The following KCNE3 variants were observed in gnomAD, a reference collection of about 807,000 sequenced individuals.
KCNE3 encodes the protein potassium voltage-gated channel subfamily E regulatory subunit 3.
KCNE3 carries 2 observed loss-of-function variants against 4.3 expected under a neutral mutation model. The observed-to-expected ratio is 0.47, with a 90% CI of 0.19 to 1.48. The LOEUF (loss-of-function observed/expected upper bound fraction) is 1.48, where lower values mean the gene tolerates loss of function less well. Among genes scored for constraint, KCNE3 ranks in the 40% most tolerant of loss-of-function variants. The pLI is 0.25. For synonymous variants in KCNE3, 47 were observed against 52.0 expected, an observed-to-expected ratio of 0.90 and a Z score of 0.41; for missense variants, 128 against 136.8, an observed-to-expected ratio of 0.94 and a Z score of 0.32.
At chr11:74,464,495 AG>A (rs1169284171) in intron 1 of KCNE3, among the ~76,000 whole-genome samples, 1 of 152,178 alleles carries the variant, frequency 6.6e-6, no homozygotes, top group Non-Finnish European at 1.5e-5. Flanking sequence ...AGTAGCCCTT[AG>A]CATCCAGTTG....
At position 74,456,661 on chromosome 11, in the gene KCNE3, C is replaced by G. The variant is rs1863823674; in HGVS notation, c.*591G>C. ...CCCCAGAATTGTATGACCTTCAGGC[C>G]TGGATCCACTCCTGTGTAGCACAGA... On this transcript the variant is annotated 3_prime_UTR_variant, in exon 3 of 3. Transcript: ENST00000310128. 1 of 153,804 alleles carries G rather than the reference C, an allele frequency of 6.5e-6. No homozygotes were observed. Among genetic ancestry groups the G allele is most frequent in the Non-Finnish European group, 1.4e-5 (1 of 69,148 alleles). The allele number at this position is 153,804 out of a possible 1,614,324, so 9.5% of individuals were successfully genotyped here.
chr11:74,459,495 T>G (rs562750305), intron 2 of KCNE3, among the ~76,000 whole-genome samples: 1 of 151,934 alleles, frequency 6.6e-6, no homozygotes, highest in African/African-American at 2.4e-5. Context: ...ATCTCCTGAC[T>G]TTGTGATTCG....
chr11:74,457,352 G>C lies in KCNE3; in HGVS notation c.212C>G (p.Thr71Ser). 6.2e-7 allele frequency: 1 copy of C among 1,614,232 alleles called. No homozygotes were observed. The highest frequency in any genetic ancestry group is 8.5e-7 in the Non-Finnish European group (1 of 1,180,036). ...GTATCCCAGGATGAGGCTGCCCACA[G>C]TTACAGCAAATAGAAACATGACAAA... ...ILFVMFLFAVTVGSLILGYTR... is the reference protein window; with the variant it reads ...ILFVMFLFAVSVGSLILGYTR... Residue 71 changes from threonine to serine, a missense_variant, in exon 3 of 3, where the codon ACT becomes AGT. By Grantham distance (58) the Thr-to-Ser change is moderately conservative. Transcript: ENST00000310128.
chr11:74,465,263 C>T (rs1864037123), intron 1 of KCNE3, among the ~76,000 whole-genome samples: 1 of 152,152 alleles, frequency 6.6e-6, no homozygotes, highest in Non-Finnish European at 1.5e-5. Flanking sequence ...AATGCCTCTT[C>T]TCTAAGAGCA....
Position 74,457,720 on chromosome 11 carries a change from C to T in KCNE3, c.-40-117G>A. ...CATGGCTGATATGGTTTGGCTGTGTCCCCACCCAAATCTCATCTGGAATCA... is the reference window on the plus strand; with the variant it reads ...CATGGCTGATATGGTTTGGCTGTGTTCCCACCCAAATCTCATCTGGAATCA... On this transcript the variant is annotated intron_variant, in intron 2 of 2. Transcript: ENST00000310128. The T allele has an allele frequency of 4.2e-6, 3 of 718,198 alleles. No homozygotes were observed. The South Asian group carries it at 4.8e-5, about 11-fold the overall frequency. 44.5% of individuals were successfully genotyped at this position (718,198 alleles called of 1,614,324 possible).
Position 74,457,319 on chromosome 11 carries a change from G to C in KCNE3, c.245C>G (p.Ser82Cys), listed in dbSNP as rs1863841373. The change falls in exon 3 of 3, where the codon TCC becomes TGC. Residue 82 changes from serine (S) to cysteine (C), a missense_variant. Ser to Cys is a moderately radical substitution (Grantham distance 112). Coordinates refer to ENST00000310128, the MANE Select transcript of KCNE3 (RefSeq NM_005472.5). ...GTCACTACGCTTGTCCACTTTGCGG[G>C]AGCGGGTGTATCCCAGGATGAGGCT... ...VGSLILGYTR[S>C]RKVDKRSDPY... 1 of 1,614,094 alleles carries C rather than the reference G, an allele frequency of 6.2e-7. No homozygotes were observed.
In KCNE3 at chr11:74,456,401, C is replaced by T. The variant is rs187700411; in HGVS notation, c.*851G>A. ...CAGTCAAAACTGAAAAGACTGCTTG[C>T]TTTGGAGGTAGTTTAGTCCTGTTGC... On this transcript the variant is annotated 3_prime_UTR_variant, in exon 3 of 3. Transcript: ENST00000310128. 81 of 151,276 alleles carry T rather than the reference C, an allele frequency of 5.4e-4. No homozygotes were observed. Among genetic ancestry groups the T allele is most frequent in the African/African-American group, 1.9e-3 (78 of 41,218 alleles). 9.4% of individuals were successfully genotyped at this position (151,276 alleles called of 1,614,324 possible).
rs41312987 is a variant in KCNE3 at position 74,463,021 on chromosome 11, C to T, written c.-189-918G>A. Among the ~76,000 whole-genome samples the T allele has an allele frequency of 4.9e-3, 748 of 152,268 alleles. 10 individuals are homozygous for T. Among genetic ancestry groups the T allele is most frequent in the Non-Finnish European group, 6.9e-3 (467 of 68,014 alleles). On this transcript the variant is annotated intron_variant, in intron 1 of 2. Coordinates refer to ENST00000310128, the MANE Select transcript of KCNE3 (RefSeq NM_005472.5). Reference sequence around the variant, plus strand: ...GATAGAGAAGGCTGTGGACCTCTTCCTCACAGGTTAAGATGCTTCTGAGCC... The same window carrying T: ...GATAGAGAAGGCTGTGGACCTCTTCTTCACAGGTTAAGATGCTTCTGAGCC...
At chr11:74,459,259 A>ATTT (rs35194568) in intron 2 of KCNE3, among the ~76,000 whole-genome samples, 1,222 of 117,528 alleles carry the variant, frequency 0.01, 63 homozygotes, top group Non-Finnish European at 0.013. Context: ...TATAGAAAAC[A>ATTT]TTTTTTTTTT....
intron 2 of KCNE3, among the ~76,000 whole-genome samples, chr11:74,460,904 T>C (rs1413121556): frequency 1.3e-5 from 2 of 152,116 alleles, no homozygotes; most frequent in Non-Finnish European, 2.9e-5. Flanking sequence ...TGAAATAGTT[T>C]AGTGTAAGAT....
chr11:74,466,616 G>T (rs1318005691), intron 1 of KCNE3, among the ~76,000 whole-genome samples: 3 of 152,180 alleles, frequency 2.0e-5, no homozygotes, highest in African/African-American at 7.2e-5. Context: ...TTAGTGGAGA[G>T]GATTTTAGGA....
rs1219237301 is a variant in KCNE3, at chr11:74,467,138, A to C, written c.-190+260T>G. ...CTTGAGGGCTGGGAATAACGGCGCA[A>C]GTCCCCACGGTTTCCAGACGGGGCG... On this transcript the variant is annotated intron_variant, in intron 1 of 2. Transcript: ENST00000310128. This position sits in a 1 kb window ranked among gnomAD's most constrained non-coding sequence, Gnocchi z 4.4. Among the ~76,000 whole-genome samples the C allele has an allele frequency of 2.6e-5, 4 of 152,166 alleles. No individual in the cohort carries two copies. The highest frequency in any genetic ancestry group is 6.5e-5 in the Admixed American group (1 of 15,286).
chr11:74,464,018 T>C (rs997781491), intron 1 of KCNE3, among the ~76,000 whole-genome samples: 1 of 152,154 alleles, frequency 6.6e-6, no homozygotes, highest in African/African-American at 2.4e-5. Context: ...TAGACTTCGT[T>C]TATGCTCTCA....
chr11:74,455,718 T>C lies in KCNE3; in HGVS notation c.*1534A>G, dbSNP rs1211972460. The stretch of plus-strand genomic sequence containing the variant: ...TAATAATTTAGGTGCGATATCAGTC[T>C]TTTTTGTTTTTGTTTTTGTTTTTTT... On this transcript the variant is annotated 3_prime_UTR_variant, in exon 3 of 3. Transcript: ENST00000310128. 1 of 138,970 alleles carries C rather than the reference T, an allele frequency of 7.2e-6. No homozygotes were observed. The highest frequency in any genetic ancestry group is 1.5e-5 in the Non-Finnish European group (1 of 66,862). The allele number at this position is 138,970 out of a possible 1,614,324, so 8.6% of individuals were successfully genotyped here.
rs73498356 is a variant in KCNE3 at position 74,459,947 on chromosome 11, C to T, written c.-41+2008G>A. On this transcript the variant is annotated intron_variant, in intron 2 of 2. Coordinates refer to ENST00000310128, the MANE Select transcript of KCNE3 (RefSeq NM_005472.5). ...CTCAATAGTTTCTAGTAGAGATGTT[C>T]ACTTTAAGGAATTCTCTATGGGCCA... is the stretch of plus-strand genomic sequence containing the variant. 4.0e-3 allele frequency among the ~76,000 whole-genome samples: 615 copies of T among 152,254 alleles called. 5 individuals are homozygous for T. The highest frequency in any genetic ancestry group is 0.014 in the African/African-American group (569 of 41,532).
rs1249200477 is a variant in KCNE3, at chr11:74,460,913, AT to A, written c.-41+1041del. ...GAGTCTTGAAATAGTTTAGTGTAAG[AT>A]GCTGAGTCATGAATTGGGGCAGAGA... On this transcript the variant is annotated intron_variant, in intron 2 of 2. Coordinates refer to ENST00000310128, the MANE Select transcript of KCNE3 (RefSeq NM_005472.5). 2.0e-5 allele frequency among the ~76,000 whole-genome samples: 3 copies of A among 152,300 alleles called. No individual in the cohort carries two copies. The East Asian group carries it at 5.8e-4, about 29-fold the overall frequency.
At position 74,467,033 on chromosome 11, in the gene KCNE3, T is replaced by C. The variant is rs1864071925; in HGVS notation, c.-190+365A>G. On this transcript the variant is annotated intron_variant, in intron 1 of 2. Coordinates refer to ENST00000310128, the MANE Select transcript of KCNE3 (RefSeq NM_005472.5). The surrounding 1 kb of genome is among the most constrained non-coding windows in gnomAD (Gnocchi z 4.4). ...GACTGTGCTGGGTCCTGAAATGTCG[T>C]TTCTGCGTGTGCACTGGCTGCCAGC... Among the ~76,000 whole-genome samples the C allele has an allele frequency of 6.6e-6, 1 of 152,192 alleles. No homozygotes were observed. The highest frequency in any genetic ancestry group is 2.4e-5 in the African/African-American group (1 of 41,458).
chr11:74,457,481 T>C lies in KCNE3; in HGVS notation c.83A>G (p.Asn28Ser), dbSNP rs772286478. ...LKALNATLHS[N>S]LLCRPGPGLG... ...CCCTGGCCCTGGCCGGCAGAGCAAA[T>C]TGCTGTGAAGAGTGGCATTTAGAGC... The change falls in exon 3 of 3, where the codon AAT becomes AGT. Residue 28 changes from asparagine to serine, a missense_variant. Transcript: ENST00000310128. 8.7e-6 allele frequency: 14 copies of C among 1,614,056 alleles called. No individual in the cohort carries two copies. Among genetic ancestry groups the C allele is most frequent in the African/African-American group, 1.3e-5 (1 of 74,934 alleles).
chr11:74,459,423 G>A (rs1024175261), intron 2 of KCNE3, among the ~76,000 whole-genome samples: 5 of 151,880 alleles, frequency 3.3e-5, no homozygotes, highest in African/African-American at 7.3e-5. Flanking sequence ...CATCACGCCA[G>A]GCTAATTTTT....
Sources: gnomAD v4.1 joint callset for allele counts (sites outside exome capture counted in the v4.1 genomes callset) on GRCh38, gnomAD v4.1.1 for gene constraint, Gnocchi (gnomAD v3.1) non-coding constraint, MANE v1.5 for transcripts, NCBI Gene and HGNC (gene_info 2026-07-23, HGNC 2026-07-21) for gene names.